LINGO1: variants seen among roughly 807,000 people sequenced by gnomAD.
LINGO1 encodes the protein leucine-rich repeat and immunoglobulin-like domain-containing nogo receptor-interacting protein 1.
LINGO1 carries 11 observed loss-of-function variants against 37.3 expected under a neutral mutation model. The observed-to-expected ratio is 0.29, with a 90% CI of 0.19 to 0.49. LINGO1 has a LOEUF of 0.49. LINGO1 is among the 20% of genes least tolerant of loss of function. The pLI is 0.99. For synonymous variants in LINGO1, 387 were observed against 403.0 expected, an observed-to-expected ratio of 0.96 and a Z score of 0.48; for missense variants, 585 against 878.2, an observed-to-expected ratio of 0.67 and a Z score of 4.22.
intron 1 of LINGO1, among the ~76,000 whole-genome samples, chr15:77,804,132 C>T (rs1694434003): frequency 6.6e-6 from 1 of 152,012 alleles, no homozygotes; most frequent in Non-Finnish European, 1.5e-5. Flanking sequence ...GTCTGTGAGC[C>T]CCAAAACTGC....
chr15:77,667,338 T>C (rs1356868182), intron 3 of LINGO1, among the ~76,000 whole-genome samples: 1 of 152,130 alleles, frequency 6.6e-6, no homozygotes, highest in East Asian at 1.9e-4. Flanking sequence ...AGGCTGTGGG[T>C]GCTCGGGCTG....
At chr15:77,622,916 C>T (rs1034592610) in intron 1 of LINGO1, among the ~76,000 whole-genome samples, 1 of 152,208 alleles carries the variant, frequency 6.6e-6, no homozygotes, top group Non-Finnish European at 1.5e-5. Context: ...TCTGGATCTC[C>T]GGCCACCCTC....
chr15:77,666,108 CTGAATGAA>C lies in LINGO1; in HGVS notation c.-13+10973_-13+10980del, dbSNP rs372284101. ...GCACACAGCATCCAGCAAGTGTTGG[CTGAATGAA>C]TGAATGAATGAATGAGTGAATGAAT... is the stretch of plus-strand genomic sequence containing the variant. On this transcript the variant is annotated intron_variant, in intron 3 of 3. Coordinates refer to the LINGO1 transcript ENST00000559893. 5.1e-3 allele frequency among the ~76,000 whole-genome samples: 781 copies of C among 152,280 alleles called. 7 individuals carry two copies. The highest frequency in any genetic ancestry group is 0.018 in the African/African-American group (744 of 41,546).
At chr15:77,632,981 GGGA>G (rs1363758409), upstream of LINGO1, among the ~76,000 whole-genome samples, 1 of 151,552 alleles carries the variant, frequency 6.6e-6, no homozygotes, top group Non-Finnish European at 1.5e-5. The surrounding 1 kb of genome is among the most constrained non-coding windows in gnomAD (Gnocchi z 6.0). Context: ...AGCCGGGCGG[GGGA>G]GGAGAAGGCG....
chr15:77,706,758 C>A (rs2075857710), intron 2 of LINGO1, among the ~76,000 whole-genome samples: 1 of 152,236 alleles, frequency 6.6e-6, no homozygotes, highest in African/African-American at 2.4e-5. Flanking sequence ...CGGAAAGGGG[C>A]CATGGCTGCC....
At chr15:77,659,394 T>A (rs1567497989) in intron 3 of LINGO1, among the ~76,000 whole-genome samples, 1 of 151,890 alleles carries the variant, frequency 6.6e-6, no homozygotes, top group Non-Finnish European at 1.5e-5. Context: ...TACCTAGGAC[T>A]CCCCCATCCA....
chr15:77,783,515 T>C (rs1159405128), intron 1 of LINGO1, among the ~76,000 whole-genome samples: 2 of 152,060 alleles, frequency 1.3e-5, no homozygotes, highest in African/African-American at 4.8e-5. Context: ...GAATCTATAA[T>C]CAGGGCCCTT....
chr15:77,809,903 C>T (rs1050604975), intron 1 of LINGO1, among the ~76,000 whole-genome samples: 3 of 152,172 alleles, frequency 2.0e-5, no homozygotes, highest in East Asian at 1.9e-4. Context: ...AGAGAACAGA[C>T]AGGCTTGCTG....
chr15:77,682,754 C>G (rs937658173), intron 2 of LINGO1, among the ~76,000 whole-genome samples: 1 of 152,138 alleles, frequency 6.6e-6, no homozygotes, highest in Non-Finnish European at 1.5e-5. Flanking sequence ...CCCATCCACA[C>G]AGTGGCAATC....
At chr15:77,632,960 T>C (rs111943736), upstream of LINGO1, among the ~76,000 whole-genome samples, 30,071 of 138,808 alleles carry the variant, frequency 0.22, 6,511 homozygotes, top group African/African-American at 0.57. The surrounding 1 kb of genome is among the most constrained non-coding windows in gnomAD (Gnocchi z 6.0). Flanking sequence ...AGGGAGCGAG[T>C]GAGCCGCGGG....
chr15:77,676,263 A>G (rs894088626), intron 3 of LINGO1, among the ~76,000 whole-genome samples: 3 of 152,256 alleles, frequency 2.0e-5, no homozygotes, highest in Non-Finnish European at 4.4e-5. Context: ...GGGTGAGCCC[A>G]GCAAGGAGGT....
intron 3 of LINGO1, among the ~76,000 whole-genome samples, chr15:77,642,674 C>T (rs550232114): frequency 3.0e-4 from 46 of 152,214 alleles, no homozygotes; most frequent in Non-Finnish European, 5.3e-4. Context: ...CCATACCACA[C>T]AGGGAGCAAG....
chr15:77,679,711 A>G (rs1216180368), intron 2 of LINGO1, among the ~76,000 whole-genome samples: 1 of 152,194 alleles, frequency 6.6e-6, no homozygotes, highest in Admixed American at 6.5e-5. Flanking sequence ...GCCAAGCCCT[A>G]AATGCAACAC....
At chr15:77,750,393 A>AC (rs1368917215) in intron 1 of LINGO1, among the ~76,000 whole-genome samples, 1 of 152,216 alleles carries the variant, frequency 6.6e-6, no homozygotes, top group Admixed American at 6.5e-5. Context: ...TTTTCCAGTT[A>AC]TTTGTTTTAC....
At chr15:77,743,592 T>A (rs2076285911) in intron 1 of LINGO1, among the ~76,000 whole-genome samples, 1 of 152,192 alleles carries the variant, frequency 6.6e-6, no homozygotes, top group South Asian at 2.1e-4. Flanking sequence ...ATTTTGCATT[T>A]CTCTCTTCTT....
intron 1 of LINGO1, among the ~76,000 whole-genome samples, chr15:77,754,127 G>A (rs1394905578): frequency 6.6e-6 from 1 of 151,882 alleles, no homozygotes; most frequent in Non-Finnish European, 1.5e-5. Flanking sequence ...GGGAAGGAAA[G>A]GGGGAAAAGG....
intron 1 of LINGO1, among the ~76,000 whole-genome samples, chr15:77,761,339 T>C (rs2076475042): frequency 6.6e-6 from 1 of 152,122 alleles, no homozygotes; most frequent in Non-Finnish European, 1.5e-5. Flanking sequence ...CAATGCAAAT[T>C]GTGAGGAACA....
chr15:77,740,936 C>T (rs1385154910), intron 1 of LINGO1, among the ~76,000 whole-genome samples: 1 of 152,224 alleles, frequency 6.6e-6, no homozygotes, highest in Non-Finnish European at 1.5e-5. Context: ...AGCCTCCCTC[C>T]TGTCCCTAAG....
chr15:77,715,017 A>G (rs1317897863), intron 2 of LINGO1, among the ~76,000 whole-genome samples: 1 of 152,222 alleles, frequency 6.6e-6, no homozygotes, highest in African/African-American at 2.4e-5. Flanking sequence ...GCTGAGTGCT[A>G]TTCCCAGTGG....
Sources: allele counts gnomAD v4.1 joint callset (sites outside exome capture counted in the v4.1 genomes callset), GRCh38; gene constraint gnomAD v4.1.1; non-coding constraint Gnocchi (gnomAD v3.1); transcripts MANE v1.5; gene names NCBI Gene and HGNC (gene_info 2026-07-23, HGNC 2026-07-21).